LYN: variants seen among roughly 807,000 people sequenced by gnomAD.
LYN encodes LYN proto-oncogene, Src family tyrosine kinase.
A neutral mutation model predicts 65.0 loss-of-function variants in LYN; 12 were observed. The observed-to-expected ratio is 0.18, with a 90% CI of 0.12 to 0.30. The LOEUF (loss-of-function observed/expected upper bound fraction) is 0.30. Among genes scored for constraint, LYN ranks in the 10% least tolerant of loss-of-function variants. The pLI, the probability that LYN is intolerant of heterozygous loss-of-function variation, is 1.00. For missense variants in LYN, 380 were observed against 623.2 expected, an observed-to-expected ratio of 0.61 and a Z score of 4.16; for synonymous variants, 222 against 221.2, an observed-to-expected ratio of 1.00 and a Z score of -0.03.
At chr8:55,908,457 C>T (rs1477239542) in intron 1 of LYN, among the ~76,000 whole-genome samples, 1 of 152,038 alleles carries the variant, frequency 6.6e-6, no homozygotes, top group African/African-American at 2.4e-5. Context: ...GTTGACCAGG[C>T]TGGTCTCGAA....
chr8:55,940,520 C>T (rs540736822), intron 1 of LYN, among the ~76,000 whole-genome samples: 4 of 152,266 alleles, frequency 2.6e-5, no homozygotes, highest in South Asian at 4.1e-4. Flanking sequence ...GGACTACAGG[C>T]GTGTGCCACC....
intron 10 of LYN, among the ~76,000 whole-genome samples, chr8:55,972,131 G>GA (rs1281878235): frequency 1.3e-5 from 2 of 152,190 alleles, no homozygotes; most frequent in African/African-American, 4.8e-5. Flanking sequence ...CCCCTTGGTG[G>GA]AACCCATAGT....
chr8:56,005,755 A>G (rs1010522399), intron 12 of LYN, among the ~76,000 whole-genome samples: 43 of 152,320 alleles, frequency 2.8e-4, no homozygotes, highest in Admixed American at 5.2e-4. Flanking sequence ...AACCAAAACT[A>G]TGATTATATT....
chr8:55,942,319 GTATATATATGTGTA>G (rs1347833454), intron 2 of LYN, among the ~76,000 whole-genome samples: 3,632 of 138,140 alleles, frequency 0.026, 112 homozygotes, highest in African/African-American at 0.041. Context: ...GTGTATATAT[GTATATATATGTGTA>G]TATATATATG....
At chr8:56,001,205 C>T (rs1357447578) in intron 12 of LYN, among the ~76,000 whole-genome samples, 2 of 151,956 alleles carry the variant, frequency 1.3e-5, no homozygotes, top group Non-Finnish European at 2.9e-5. Context: ...AGGAGGCCAG[C>T]GTGGTTTGGG....
At chr8:55,914,586 C>T (rs1054569653) in intron 1 of LYN, among the ~76,000 whole-genome samples, 1 of 152,144 alleles carries the variant, frequency 6.6e-6, no homozygotes, top group Non-Finnish European at 1.5e-5. Context: ...ACCCCAATCT[C>T]TGGAACCTTT....
At chr8:55,922,244 C>T (rs928573357) in intron 1 of LYN, among the ~76,000 whole-genome samples, 5 of 152,134 alleles carry the variant, frequency 3.3e-5, no homozygotes, top group South Asian at 2.1e-4. Flanking sequence ...TGTGCCACCA[C>T]GCCCAGCTAA....
intron 1 of LYN, among the ~76,000 whole-genome samples, chr8:55,910,753 A>C (rs1012087330): frequency 3.3e-5 from 5 of 152,094 alleles, no homozygotes; most frequent in Non-Finnish European, 5.9e-5. Context: ...GCTTAAGTCA[A>C]AAATTGTTTT....
intron 1 of LYN, among the ~76,000 whole-genome samples, chr8:55,898,663 G>C (rs569604988): frequency 2.0e-5 from 3 of 152,152 alleles, no homozygotes; most frequent in African/African-American, 4.8e-5. Context: ...GTGATTTTTA[G>C]TATGTTCACA....
intron 8 of LYN, among the ~76,000 whole-genome samples, chr8:55,954,865 A>G (rs1398998762): frequency 6.7e-6 from 1 of 150,298 alleles, no homozygotes; most frequent in Non-Finnish European, 1.5e-5. Context: ...TAAATAAATA[A>G]ATAAATAAAA....
intron 1 of LYN, among the ~76,000 whole-genome samples, chr8:55,925,077 C>G (rs186443648): frequency 1.3e-5 from 2 of 152,186 alleles, no homozygotes; most frequent in Non-Finnish European, 2.9e-5. Context: ...CTTGCTTCAG[C>G]CTTCCAAAGT....
intron 10 of LYN, among the ~76,000 whole-genome samples, chr8:55,970,216 G>T (rs1228234426): frequency 6.6e-6 from 1 of 152,186 alleles, no homozygotes; most frequent in Non-Finnish European, 1.5e-5. Flanking sequence ...GAAAACAGAG[G>T]AACTATGTCA....
intron 4 of LYN, among the ~76,000 whole-genome samples, chr8:55,948,395 G>A (rs2130487949): frequency 6.6e-6 from 1 of 152,252 alleles, no homozygotes; most frequent in East Asian, 1.9e-4. Context: ...GGGTTCATGG[G>A]CCCAGCCTAG....
intron 10 of LYN, among the ~76,000 whole-genome samples, chr8:55,998,119 T>TC (rs981028366): frequency 6.6e-6 from 1 of 151,524 alleles, no homozygotes; most frequent in Non-Finnish European, 1.5e-5. Flanking sequence ...CATGTTCCTT[T>TC]TTTTTTTTTT....
At chr8:55,887,575 T>TACACAC (rs372547745) in intron 1 of LYN, among the ~76,000 whole-genome samples, 1,158 of 93,406 alleles carry the variant, frequency 0.012, 47 homozygotes, top group South Asian at 0.035. Context: ...TATATATATA[T>TACACAC]ACACACACAC....
chr8:56,000,981 C>A (rs1200031116), intron 12 of LYN, among the ~76,000 whole-genome samples: 2 of 152,116 alleles, frequency 1.3e-5, no homozygotes, highest in Admixed American at 1.3e-4. Context: ...ATCAAACACA[C>A]AGCCATCCTG....
At chr8:55,910,017 T>C (rs556218276) in intron 1 of LYN, among the ~76,000 whole-genome samples, 12 of 149,338 alleles carry the variant, frequency 8.0e-5, no homozygotes, top group Middle Eastern at 6.9e-3. Context: ...TTTTGAGTTG[T>C]TTGAGTTTCT....
rs960625528 is a variant in LYN, at chr8:55,952,786, G to T, written c.637+671G>T. The stretch of plus-strand genomic sequence containing the variant: ...AATGCAGATTTGCAGATCTGTGTTT[G>T]TGTGTGTGTGTGTAAAAGTAATGTA... On this transcript the variant is annotated intron_variant, in intron 7 of 12. Transcript: ENST00000519728. Among the ~76,000 whole-genome samples the T allele has an allele frequency of 8.6e-5, 13 of 152,036 alleles. No homozygotes were observed. In the South Asian group the frequency reaches 2.7e-3, roughly 32 times the overall value.
chr8:55,958,514 G>A (rs1166349035), intron 8 of LYN, among the ~76,000 whole-genome samples: 2 of 151,756 alleles, frequency 1.3e-5, no homozygotes, highest in Admixed American at 6.6e-5. Flanking sequence ...CGATGTTTAG[G>A]TGTACAGTTC....
Sources: allele counts gnomAD v4.1 joint callset (sites outside exome capture counted in the v4.1 genomes callset), GRCh38; gene constraint gnomAD v4.1.1; transcripts MANE v1.5; gene names NCBI Gene and HGNC (gene_info 2026-07-23, HGNC 2026-07-21).